The following ZNF35 variants were observed in gnomAD, a reference collection of about 807,000 sequenced individuals.
ZNF35 encodes the protein zinc finger protein 35.
Under a neutral mutation model 45.9 loss-of-function variants are expected in ZNF35, and 31 were observed. The observed-to-expected ratio is 0.68, with a 90% CI of 0.51 to 0.91. ZNF35 has a LOEUF of 0.91. Among genes scored for constraint, ZNF35 ranks in the 40% least tolerant of loss-of-function variants. The probability of loss-of-function intolerance (pLI) is 0.00; values close to 1 mark genes in which losing one functional copy is unlikely to be tolerated. For missense variants in ZNF35, 515 were observed against 625.4 expected (o/e 0.82, Z 1.88); for synonymous variants, 205 against 220.2 (o/e 0.93, Z 0.61).
At chr3:44,656,800 T>G (rs1703317108) in intron 3 of ZNF35, among the ~76,000 whole-genome samples, 1 of 151,312 alleles carries the variant, frequency 6.6e-6, no homozygotes, top group South Asian at 2.1e-4. Context: ...CAAGTTCAAG[T>G]GATTATCCTG....
intron 1 of ZNF35, among the ~76,000 whole-genome samples, 171 bp downstream of exon 1, chr3:44,649,005 C>T (rs1703113068): frequency 6.6e-6 from 1 of 152,212 alleles, no homozygotes; most frequent in African/African-American, 2.4e-5. Context: ...CCGGCTGCTG[C>T]CCACCTGGGG....
rs1364618929 is a variant in ZNF35 at position 44,659,078 on chromosome 3, G to C, written c.715G>C (p.Val239Leu). ...KGFSQSANLVVHQRIHTGEKP... is the reference protein window; with the variant it reads ...KGFSQSANLVLHQRIHTGEKP... ...ATTTAGTCAGAGTGCAAACCTCGTTGTGCATCAGCGAATCCACACTGGAGA... is the reference window on the plus strand; with the variant it reads ...ATTTAGTCAGAGTGCAAACCTCGTTCTGCATCAGCGAATCCACACTGGAGA... The change falls in exon 4 of 4, where the codon GTG becomes CTG. Residue 239 changes from valine (V) to leucine (L), a missense_variant. Val to Leu is a conservative substitution (Grantham distance 32). This residue lies in a region of ZNF35 where 275 missense variants were observed against 295.7 expected (regional missense o/e 0.93). Coordinates refer to ENST00000396056, the MANE Select transcript of ZNF35 (RefSeq NM_003420.4). The surrounding 1 kb of genome is among the most constrained non-coding windows in gnomAD (Gnocchi z 4.3). The C allele has an allele frequency of 6.2e-7, 1 of 1,614,082 alleles. No individual in the cohort carries two copies. Among genetic ancestry groups the C allele is most frequent in the East Asian group, 2.2e-5 (1 of 44,896 alleles).
At chr3:44,653,673 G>T (rs1252455552) in intron 3 of ZNF35, among the ~76,000 whole-genome samples, 1 of 152,178 alleles carries the variant, frequency 6.6e-6, no homozygotes, top group African/African-American at 2.4e-5. Context: ...TCTTCGTGAA[G>T]GGTACTGATG....
chr3:44,647,773 A>G (rs1703043944), upstream of ZNF35: 1 of 152,182 alleles, frequency 6.6e-6, no homozygotes, highest in Non-Finnish European at 1.5e-5. Flanking sequence ...AAATGGATTA[A>G]TGGTTGCCAA....
In ZNF35 at chr3:44,659,082, A is replaced by C; in HGVS notation, c.719A>C (p.His240Pro). The C allele has an allele frequency of 6.2e-7, 1 of 1,614,198 alleles. No individual in the cohort carries two copies. Among genetic ancestry groups the C allele is most frequent in the Non-Finnish European group, 8.5e-7 (1 of 1,180,026 alleles). Reference protein sequence around the residue: ...GFSQSANLVVHQRIHTGEKPF... With the variant: ...GFSQSANLVVPQRIHTGEKPF... ...AGTCAGAGTGCAAACCTCGTTGTGC[A>C]TCAGCGAATCCACACTGGAGAGAAA... Residue 240 changes from histidine to proline, a missense_variant, in exon 4 of 4, where the codon CAT becomes CCT. By Grantham distance (77) the His-to-Pro change is moderately conservative. Coordinates refer to ENST00000396056, the MANE Select transcript of ZNF35 (RefSeq NM_003420.4). This position sits in a 1 kb window ranked among gnomAD's most constrained non-coding sequence, Gnocchi z 4.3.
chr3:44,650,718 T>C (rs528730944), intron 1 of ZNF35, among the ~76,000 whole-genome samples: 19 of 152,228 alleles, frequency 1.2e-4, no homozygotes, highest in Non-Finnish European at 2.5e-4. Flanking sequence ...AAAAAATCAA[T>C]AAACATTATA....
At chr3:44,658,630 T>C (rs1367480130) in intron 3 of ZNF35, 71 bp from the exon 4 acceptor site, 25 of 1,487,838 alleles carry the variant, frequency 1.7e-5, no homozygotes, top group Admixed American at 2.4e-5. Context: ...CTTCGTTTTA[T>C]GACTTGATGA....
chr3:44,658,089 A>G (rs1270790810), intron 3 of ZNF35, among the ~76,000 whole-genome samples: 2 of 152,178 alleles, frequency 1.3e-5, no homozygotes, highest in Admixed American at 6.5e-5. Context: ...TCTAGAATCC[A>G]TGTTCTTAAC....
intron 1 of ZNF35, 56 bp from the exon 2 acceptor site, chr3:44,650,885 T>C (rs1162477894): frequency 1.7e-6 from 1 of 583,156 alleles, no homozygotes; most frequent in Admixed American, 3.6e-5. Flanking sequence ...GCAAATTTGC[T>C]AAGTGGCATC....
chr3:44,658,988 G>A lies in ZNF35; in HGVS notation c.625G>A (p.Ala209Thr), dbSNP rs367753047. ...SGGKYSLNSG[A>T]VKNPKTQLGQ... ...AGGAAAATATAGCCTTAATTCTGGC[G>A]CTGTTAAAAATCCAAAAACCCAGCT... The change falls in exon 4 of 4, where the codon GCT (alanine) becomes ACT (threonine). Residue 209 changes from alanine to threonine, a missense_variant. Coordinates refer to ENST00000396056, the MANE Select transcript of ZNF35 (RefSeq NM_003420.4). The A allele has an allele frequency of 2.8e-5, 46 of 1,614,084 alleles. No individual in the cohort carries two copies. Among genetic ancestry groups the A allele is most frequent in the Middle Eastern group, 1.6e-4 (1 of 6,084 alleles).
chr3:44,648,870 A>G (rs959199409), intron 1 of ZNF35, 36 bp downstream of exon 1: 2 of 152,242 alleles, frequency 1.3e-5, no homozygotes, highest in Admixed American at 1.3e-4. Flanking sequence ...ACGAACGTCG[A>G]GGGAGAAAAA....
In ZNF35 at chr3:44,659,240, C is replaced by G. The variant is rs769028994; in HGVS notation, c.877C>G (p.Leu293Val). 1.9e-6 allele frequency: 3 copies of G among 1,614,050 alleles called. No individual in the cohort carries two copies. In the South Asian group the frequency reaches 3.3e-5, roughly 18 times the overall value. Residue 293 changes from leucine to valine, a missense_variant, in exon 4 of 4, where the codon CTG (leucine) becomes GTG (valine). Around this residue, in one of 3 missense-constraint regions of ZNF35, gnomAD observed 232 missense variants for 304.6 expected, o/e 0.76. Coordinates refer to ENST00000396056, the MANE Select transcript of ZNF35 (RefSeq NM_003420.4). The surrounding 1 kb of genome is among the most constrained non-coding windows in gnomAD (Gnocchi z 4.3). ...GAAAGCCTTCACTCAGAGTTCAAAT[C>G]TGACTGTACATCAAAAAATCCACTC... ...CGKAFTQSSN[L>V]TVHQKIHSLE...
chr3:44,646,981 A>G (rs1405920349), upstream of ZNF35: 1 of 152,822 alleles, frequency 6.5e-6, no homozygotes, highest in African/African-American at 2.4e-5. Context: ...AGGAAAAAAA[A>G]TGTTAAATTG....
rs1477231535 is a variant in ZNF35 at position 44,658,730 on chromosome 3, G to T, written c.367G>T (p.Val123Phe). 2 of 1,579,524 alleles carry T rather than the reference G, an allele frequency of 1.3e-6. No homozygotes were observed. Among genetic ancestry groups the T allele is most frequent in the Non-Finnish European group, 8.5e-7 (1 of 1,170,934 alleles). The change falls in exon 4 of 4, where the codon GTT becomes TTT. Residue 123 changes from valine (V) to phenylalanine (F), a missense_variant. Physicochemically the swap from Val to Phe is conservative, Grantham distance 50. This residue lies in a region of ZNF35 where 275 missense variants were observed against 295.7 expected (regional missense o/e 0.93). Coordinates refer to ENST00000396056, the MANE Select transcript of ZNF35 (RefSeq NM_003420.4). The part of the protein sequence containing the change: ...GAETKNLQLL[V>F]PKTEICEEAE... ...TGAAACCAAGAACCTACAGTTACTG[G>T]TTCCAAAAACTGAGATATGTGAGGA...
At chr3:44,650,080 G>T (rs952173651) in intron 1 of ZNF35, among the ~76,000 whole-genome samples, 2 of 152,050 alleles carry the variant, frequency 1.3e-5, no homozygotes, top group African/African-American at 4.8e-5. Context: ...GTGTGTGTGT[G>T]TGTGTGTGTG....
chr3:44,655,363 G>A (rs551694054), intron 3 of ZNF35, among the ~76,000 whole-genome samples: 1 of 149,524 alleles, frequency 6.7e-6, no homozygotes, highest in African/African-American at 2.5e-5. Context: ...TCTTATCTCA[G>A]AATACAGTCA....
At chr3:44,649,080 G>A (rs1703116628) in intron 1 of ZNF35, among the ~76,000 whole-genome samples, 1 of 152,228 alleles carries the variant, frequency 6.6e-6, no homozygotes, top group Non-Finnish European at 1.5e-5. Flanking sequence ...GGACAGGGCC[G>A]CGAGGAGCCT....
chr3:44,659,319 C>CA lies in ZNF35; in HGVS notation c.957dup (p.Gln320ThrfsTer16), dbSNP rs745405886. ...TGTGAGAAAGCCTTTAGTTACAGCT[C>CA]ACAACTTGCTCGGCACCAGAAAGTC... On this transcript the variant is annotated frameshift_variant, in exon 4 of 4. Transcript: ENST00000396056. LOFTEE classifies it high-confidence loss of function. The surrounding 1 kb of genome is among the most constrained non-coding windows in gnomAD (Gnocchi z 4.3). 6.2e-7 allele frequency: 1 copy of CA among 1,614,114 alleles called. No individual in the cohort carries two copies. Among genetic ancestry groups the CA allele is most frequent in the Non-Finnish European group, 8.5e-7 (1 of 1,180,024 alleles).
At position 44,656,502 on chromosome 3, in the gene ZNF35, C is replaced by G. The variant is rs182559253; in HGVS notation, c.338-2199C>G. 2.0e-5 allele frequency among the ~76,000 whole-genome samples: 3 copies of G among 150,150 alleles called. No homozygotes were observed. The South Asian group carries it at 6.4e-4, about 32-fold the overall frequency. On this transcript the variant is annotated intron_variant, in intron 3 of 3. Coordinates refer to ENST00000396056, the MANE Select transcript of ZNF35 (RefSeq NM_003420.4). The stretch of plus-strand genomic sequence containing the variant: ...GCCTCCTGGGTTCAATTGATTCTTA[C>G]GCCTCAGCCTCCAGAGCAGTTGGGA...
Sources: gnomAD v4.1 joint callset for allele counts (sites outside exome capture counted in the v4.1 genomes callset) on GRCh38, gnomAD v4.1.1 for gene constraint, gnomAD v4.1.1 regional missense constraint, Gnocchi (gnomAD v3.1) non-coding constraint, MANE v1.5 for transcripts, NCBI Gene and HGNC (gene_info 2026-07-23, HGNC 2026-07-21) for gene names.